The following RPS6KC1 variants were observed in gnomAD, a reference collection of about 807,000 sequenced individuals.
The protein encoded by RPS6KC1 is ribosomal protein S6 kinase C1.
A neutral mutation model predicts 103.8 loss-of-function variants in RPS6KC1; 54 were observed. That is an observed-to-expected ratio of 0.52 (90% CI 0.42 to 0.65). The LOEUF (loss-of-function observed/expected upper bound fraction) is 0.65, where lower values mean the gene tolerates loss of function less well. Ranked by LOEUF, RPS6KC1 falls within the 30% of genes least tolerant of loss-of-function variation. The pLI, the probability that RPS6KC1 is intolerant of heterozygous loss-of-function variation, is 0.00. For missense variants in RPS6KC1, 1,151 were observed against 1,253.8 expected (o/e 0.92, Z 1.24); for synonymous variants, 439 against 438.7 (o/e 1.00, Z -0.01).
the RPS6KC1 span, among the ~76,000 whole-genome samples, chr1:213,373,024 T>A: frequency 2.6e-5 from 4 of 152,236 alleles, no homozygotes; most frequent in Admixed American, 1.3e-4. Context: ...AAATAAATAC[T>A]TAGAAAATCC....
At chr1:213,490,959 A>G in the RPS6KC1 span, among the ~76,000 whole-genome samples, 2 of 152,114 alleles carry the variant, frequency 1.3e-5, no homozygotes, top group South Asian at 2.1e-4. Flanking sequence ...GGATCCTGGA[A>G]ACATTGTCCC....
At chr1:213,339,187 AC>A in the RPS6KC1 span, among the ~76,000 whole-genome samples, 1 of 152,142 alleles carries the variant, frequency 6.6e-6, no homozygotes, top group Non-Finnish European at 1.5e-5. Context: ...AATCACTTGA[AC>A]CTGGGAGGCA....
chr1:213,837,552 T>C, the RPS6KC1 span, among the ~76,000 whole-genome samples: 1 of 152,286 alleles, frequency 6.6e-6, no homozygotes, highest in South Asian at 2.1e-4. Context: ...TGAAGAACTG[T>C]CCCCTGACTA....
the RPS6KC1 span, among the ~76,000 whole-genome samples, chr1:213,483,657 T>G: frequency 1.3e-5 from 2 of 152,184 alleles, no homozygotes; most frequent in African/African-American, 4.8e-5. Flanking sequence ...TTTCAAGAGA[T>G]TTCATGTAAG....
chr1:213,527,076 T>C, the RPS6KC1 span, among the ~76,000 whole-genome samples: 1 of 152,138 alleles, frequency 6.6e-6, no homozygotes, highest in Admixed American at 6.6e-5. Flanking sequence ...GCTGTAAATA[T>C]GAATAAGACT....
chr1:213,206,822 T>C (rs2093363071), intron 8 of RPS6KC1, among the ~76,000 whole-genome samples: 1 of 152,084 alleles, frequency 6.6e-6, no homozygotes, highest in South Asian at 2.1e-4. Flanking sequence ...GTTCATATAG[T>C]GCTTCTAGGG....
the RPS6KC1 span, among the ~76,000 whole-genome samples, chr1:213,684,298 A>T: frequency 1.2e-4 from 18 of 152,252 alleles, no homozygotes; most frequent in South Asian, 3.7e-3. Flanking sequence ...TATTTAAATT[A>T]TTATCCCCTG....
chr1:213,600,163 A>G, the RPS6KC1 span, among the ~76,000 whole-genome samples: 1 of 152,124 alleles, frequency 6.6e-6, no homozygotes, highest in African/African-American at 2.4e-5. Context: ...CCATGAGTGT[A>G]AGTTTCCTGA....
In RPS6KC1 at chr1:213,240,798, T is replaced by A. The variant is rs777090616; in HGVS notation, c.1322T>A (p.Val441Asp). The A allele has an allele frequency of 6.2e-7, 1 of 1,613,872 alleles. No individual in the cohort carries two copies. Among genetic ancestry groups the A allele is most frequent in the Admixed American group, 1.7e-5 (1 of 59,966 alleles). The change falls in exon 11 of 15, where the codon GTT becomes GAT. Residue 441 changes from valine (V) to aspartate (D), a missense_variant. Coordinates refer to ENST00000366960, the MANE Select transcript of RPS6KC1 (RefSeq NM_012424.6). ...GTGAAAAAACCTACACTTGCAAAAG[T>A]TCACCTGCAGCAGCCAACTTCTAGT... ...KEVKKPTLAK[V>D]HLQQPTSSPQ...
chr1:213,845,539 A>T, the RPS6KC1 span, among the ~76,000 whole-genome samples: 1 of 152,230 alleles, frequency 6.6e-6, no homozygotes, highest in Non-Finnish European at 1.5e-5. Flanking sequence ...AAATCTATAG[A>T]TACCAATGGA....
At chr1:213,738,923 G>C in the RPS6KC1 span, among the ~76,000 whole-genome samples, 80 of 150,260 alleles carry the variant, frequency 5.3e-4, no homozygotes, top group Non-Finnish European at 9.8e-4. Context: ...AATGTCTAAG[G>C]AAGGTTTTTT....
the RPS6KC1 span, among the ~76,000 whole-genome samples, chr1:213,396,495 C>G: frequency 7.9e-5 from 12 of 152,174 alleles, no homozygotes; most frequent in Non-Finnish European, 1.3e-4. Flanking sequence ...CATCTCTGGG[C>G]TGAGGCTGGA....
At chr1:213,677,992 C>A in the RPS6KC1 span, among the ~76,000 whole-genome samples, 1 of 143,782 alleles carries the variant, frequency 7.0e-6, no homozygotes, top group African/African-American at 2.6e-5. Context: ...GGCGACACAG[C>A]AGGACTCTGT....
the RPS6KC1 span, among the ~76,000 whole-genome samples, chr1:213,325,478 C>A: frequency 6.6e-6 from 1 of 152,206 alleles, no homozygotes; most frequent in Non-Finnish European, 1.5e-5. Flanking sequence ...AGGGAATAGC[C>A]CCAGCAGGCA....
the RPS6KC1 span, among the ~76,000 whole-genome samples, chr1:213,454,935 T>C: frequency 6.6e-6 from 1 of 152,218 alleles, no homozygotes; most frequent in Non-Finnish European, 1.5e-5. Flanking sequence ...TCAAGGAACC[T>C]GAGTTAACTG....
chr1:213,487,520 G>C, the RPS6KC1 span, among the ~76,000 whole-genome samples: 10 of 151,812 alleles, frequency 6.6e-5, no homozygotes, highest in East Asian at 1.4e-3. Context: ...GCCCAAGAAT[G>C]ATGATGCCAT....
the RPS6KC1 span, among the ~76,000 whole-genome samples, chr1:213,389,794 G>A: frequency 6.6e-6 from 1 of 152,158 alleles, no homozygotes; most frequent in Non-Finnish European, 1.5e-5. Flanking sequence ...CCCGAGCAAA[G>A]GGCAATCTGG....
chr1:213,202,913 A>T (rs946555485), intron 8 of RPS6KC1, among the ~76,000 whole-genome samples: 2 of 152,288 alleles, frequency 1.3e-5, no homozygotes, highest in Middle Eastern at 6.8e-3. Context: ...TCTACTATGT[A>T]CTGTGGTTTA....
At chr1:213,758,478 T>G in the RPS6KC1 span, among the ~76,000 whole-genome samples, 1 of 151,566 alleles carries the variant, frequency 6.6e-6, no homozygotes, top group Admixed American at 6.6e-5. Context: ...CTCAGGAGGC[T>G]GAGGCAGGAG....
Sources: gnomAD v4.1 joint callset for allele counts (sites outside exome capture counted in the v4.1 genomes callset) on GRCh38, gnomAD v4.1.1 for gene constraint, MANE v1.5 for transcripts, NCBI Gene and HGNC (gene_info 2026-07-23, HGNC 2026-07-21) for gene names.